The following SCAF11 variants were observed in gnomAD, a reference collection of about 807,000 sequenced individuals.
The protein encoded by SCAF11 is SR-related CTD associated factor 11.
A neutral mutation model predicts 140.5 loss-of-function variants in SCAF11; 47 were observed. That is an observed-to-expected ratio of 0.33 (90% CI 0.26 to 0.43). SCAF11 has a LOEUF of 0.43. Ranked by LOEUF, SCAF11 falls within the 20% of genes least tolerant of loss-of-function variation. The probability of loss-of-function intolerance (pLI) is 1.00; values close to 1 mark genes in which losing one functional copy is unlikely to be tolerated. For synonymous variants in SCAF11, 557 were observed against 579.4 expected (o/e 0.96, Z 0.55); for missense variants, 1,645 against 1,705.1 (o/e 0.96, Z 0.62).
At chr12:45,986,134 C>A (rs532002598) in intron 1 of SCAF11, among the ~76,000 whole-genome samples, 1 of 152,262 alleles carries the variant, frequency 6.6e-6, no homozygotes, top group Admixed American at 6.5e-5. Context: ...TTCATCCATA[C>A]CTATAGTTCC....
rs1946111582 is a variant in SCAF11 at position 45,972,866 on chromosome 12, ATATATATATATATAGATATATATATAG to A, written c.-21-8705_-21-8679del. On this transcript the variant is annotated intron_variant, in intron 1 of 14. Transcript: ENST00000369367. Reference sequence around the variant, plus strand: ...AAAGCCAGTATATATATATATATCGATATATATATATATAGATATATATATAGATATATATATATATAGATATATATA... The same window carrying A: ...AAAGCCAGTATATATATATATATCGAATATATATATATATAGATATATATA... Among the ~76,000 whole-genome samples, 3 of 28,962 alleles carry A rather than the reference ATATATATATATATAGATATATATATAG, an allele frequency of 1.0e-4. No individual in the cohort carries two copies. The South Asian group carries it at 5.1e-3, about 49-fold the overall frequency. The allele number at this position is 28,962 out of a possible 152,430, so 19.0% of individuals were successfully genotyped here. A position where few individuals can be genotyped will look rare whatever the true frequency, so the allele number is the denominator to read the frequency against.
At chr12:45,949,645 G>C (rs1229473500) in intron 4 of SCAF11, among the ~76,000 whole-genome samples, 1 of 152,092 alleles carries the variant, frequency 6.6e-6, no homozygotes, top group Non-Finnish European at 1.5e-5. Flanking sequence ...AACTGGAAAA[G>C]TCCCAGATAT....
chr12:45,974,704 C>T (rs1946193011), intron 1 of SCAF11: 4 of 159,208 alleles, frequency 2.5e-5, no homozygotes, highest in Admixed American at 2.5e-4. Context: ...TAGTTACTTC[C>T]TCCACACAAG....
intron 4 of SCAF11, 115 bp from the exon 5 acceptor site, chr12:45,948,652 T>C (rs552348299): frequency 3.5e-5 from 23 of 654,162 alleles, no homozygotes; most frequent in Non-Finnish European, 6.0e-5. Flanking sequence ...TTAAAAAGTG[T>C]AGTCCAAATA....
chr12:45,928,743 TAGG>T lies in SCAF11; in HGVS notation c.955_957del (p.Pro319del). 6.2e-7 allele frequency: 1 copy of T among 1,613,794 alleles called. No homozygotes were observed. Among genetic ancestry groups the T allele is most frequent in the Non-Finnish European group, 8.5e-7 (1 of 1,179,898 alleles). On this transcript the variant is annotated inframe_deletion, in exon 11 of 15. Transcript: ENST00000369367. ...CTTGTGTTACGTGTAGACCTCCTTGTAGGAGTTGTCATTGCAGGTTTTCGTCTT... is the reference window on the plus strand; with the variant it reads ...CTTGTGTTACGTGTAGACCTCCTTGTAGTTGTCATTGCAGGTTTTCGTCTT...
Position 45,964,127 on chromosome 12 carries a change from T to G in SCAF11, c.41A>C (p.Lys14Thr). 1 of 1,534,772 alleles carries G rather than the reference T, an allele frequency of 6.5e-7. No homozygotes were observed. The highest frequency in any genetic ancestry group is 9.0e-7 in the Non-Finnish European group (1 of 1,115,266). Reference sequence around the variant, plus strand: ...GTTACCTTCCATGTCTTCATACTTCTTATCTCCCATATTTAGGGTACATAC... The same window carrying G: ...GTTACCTTCCATGTCTTCATACTTCGTATCTCCCATATTTAGGGTACATAC... Reference protein sequence around the residue: ...KTVCTLNMGDKKYEDMEGEEN... With the variant: ...KTVCTLNMGDTKYEDMEGEEN... Residue 14 changes from lysine (K) to threonine (T), a missense_variant, in exon 2 of 15, where the codon AAG becomes ACG. Around this residue, in one of 2 missense-constraint regions of SCAF11, gnomAD observed 1,582 missense variants for 1,609.2 expected, o/e 0.98. Transcript: ENST00000369367.
chr12:45,922,687 C>G (rs1365884191), intron 13 of SCAF11, 105 bp from the exon 14 acceptor site: 1 of 1,126,252 alleles, frequency 8.9e-7, no homozygotes, highest in Non-Finnish European at 1.2e-6. Context: ...AAGAGACTCT[C>G]CAACTATTAA....
At chr12:45,951,784 AAATAC>A (rs1353792260) in intron 3 of SCAF11, 57 bp from the exon 4 acceptor site, 4 of 1,068,400 alleles carry the variant, frequency 3.7e-6, no homozygotes, top group East Asian at 2.5e-5. Flanking sequence ...TCAAAATTAT[AAATAC>A]AATTATAAAT....
intron 4 of SCAF11, among the ~76,000 whole-genome samples, chr12:45,949,143 G>C (rs1158839562): frequency 6.6e-6 from 1 of 152,158 alleles, no homozygotes; most frequent in Non-Finnish European, 1.5e-5. Flanking sequence ...GAATCAACCA[G>C]TTAAGGAGAG....
intron 1 of SCAF11, among the ~76,000 whole-genome samples, chr12:45,978,848 A>G (rs1294896153): frequency 6.6e-6 from 1 of 152,156 alleles, no homozygotes; most frequent in Non-Finnish European, 1.5e-5. Context: ...ATAATAAAGA[A>G]AGCTCTCTTA....
chr12:45,940,952 G>A (rs576546266), intron 6 of SCAF11, among the ~76,000 whole-genome samples: 2 of 152,226 alleles, frequency 1.3e-5, no homozygotes, highest in African/African-American at 4.8e-5. Flanking sequence ...CTACAGGTGT[G>A]TATCACCACA....
At chr12:45,930,067 A>C (rs1017077296) in intron 10 of SCAF11, 1 of 152,252 alleles carries the variant, frequency 6.6e-6, no homozygotes, top group Non-Finnish European at 1.5e-5. Context: ...GGTTATTACA[A>C]AAATCATAAG....
At chr12:45,936,835 G>A (rs1040486169) in intron 6 of SCAF11, among the ~76,000 whole-genome samples, 2 of 152,152 alleles carry the variant, frequency 1.3e-5, no homozygotes, top group African/African-American at 2.4e-5. Flanking sequence ...GTGGAAAAGG[G>A]TGGGAATTCT....
At chr12:45,990,935 C>A (rs1331454528), upstream of SCAF11, among the ~76,000 whole-genome samples, 2 of 152,238 alleles carry the variant, frequency 1.3e-5, no homozygotes, top group African/African-American at 4.8e-5. Context: ...TGGACTTTGG[C>A]CTCTGCCCTC....
At chr12:45,940,147 A>G (rs1945264423) in intron 6 of SCAF11, among the ~76,000 whole-genome samples, 1 of 152,214 alleles carries the variant, frequency 6.6e-6, no homozygotes, top group Non-Finnish European at 1.5e-5. Flanking sequence ...TGAAAATTAA[A>G]AGAAAAATTA....
At position 45,920,957 on chromosome 12, in the gene SCAF11, A is replaced by G. The variant is rs138069688; in HGVS notation, c.*1091T>C. ...GGGTAGAAGAAGATACTATGAAAGA[A>G]CATAATTTCTACAAAGTCAACACTT... On this transcript the variant is annotated 3_prime_UTR_variant, in exon 15 of 15. Coordinates refer to ENST00000369367, the MANE Select transcript of SCAF11 (RefSeq NM_004719.3). The G allele has an allele frequency of 1.3e-4, 20 of 152,270 alleles. No individual in the cohort carries two copies. The highest frequency in any genetic ancestry group is 4.8e-4 in the African/African-American group (20 of 41,584). The allele number at this position is 152,270 out of a possible 1,614,324, so 9.4% of individuals were successfully genotyped here.
In SCAF11 at chr12:45,945,130, T is replaced by C. The variant is rs567562483; in HGVS notation, c.463+119A>G. ...AATTTATGTAGGATTTAACACAATG[T>C]ACAGAGTTCTGAGGACTATTTTCCA... On this transcript the variant is annotated intron_variant, in intron 6 of 14. Coordinates refer to ENST00000369367, the MANE Select transcript of SCAF11 (RefSeq NM_004719.3). 9 of 695,996 alleles carry C rather than the reference T, an allele frequency of 1.3e-5. No homozygotes were observed. In the Admixed American group the frequency reaches 1.3e-4, roughly 10 times the overall value. 43.1% of individuals were successfully genotyped at this position (695,996 alleles called of 1,614,324 possible).
chr12:45,958,131 C>T (rs1224490103), intron 3 of SCAF11, among the ~76,000 whole-genome samples: 1 of 151,820 alleles, frequency 6.6e-6, no homozygotes, highest in Non-Finnish European at 1.5e-5. Context: ...TCTTAAACTC[C>T]TGGGCTCGAG....
chr12:45,982,561 C>T (rs1200038710), intron 1 of SCAF11, among the ~76,000 whole-genome samples: 3 of 151,998 alleles, frequency 2.0e-5, no homozygotes, highest in East Asian at 3.9e-4. Context: ...AAAAATTAGC[C>T]GGGTGTAGTG....
Sources: gnomAD v4.1 joint callset for allele counts (sites outside exome capture counted in the v4.1 genomes callset) on GRCh38, gnomAD v4.1.1 for gene constraint, gnomAD v4.1.1 regional missense constraint, MANE v1.5 for transcripts, NCBI Gene and HGNC (gene_info 2026-07-23, HGNC 2026-07-21) for gene names.